IL6R: variants seen among roughly 807,000 people sequenced by gnomAD.
IL6R encodes interleukin 6 receptor, also known as interleukin-6 receptor subunit alpha.
A neutral mutation model predicts 48.3 loss-of-function variants in IL6R; 38 were observed. That is an observed-to-expected ratio of 0.79 (90% CI 0.61 to 1.03). The LOEUF (loss-of-function observed/expected upper bound fraction) is 1.03, where lower values mean the gene tolerates loss of function less well. Ranked by LOEUF, IL6R falls within the 50% of genes least tolerant of loss-of-function variation. The probability of loss-of-function intolerance (pLI) is 0.00; values close to 1 mark genes in which losing one functional copy is unlikely to be tolerated. For synonymous variants in IL6R, 264 were observed against 256.2 expected, an observed-to-expected ratio of 1.03 and a Z score of -0.29; for missense variants, 534 against 618.3, an observed-to-expected ratio of 0.86 and a Z score of 1.45.
intron 1 of IL6R, among the ~76,000 whole-genome samples, chr1:154,420,410 G>T (rs1441369530): frequency 6.6e-6 from 1 of 151,940 alleles, no homozygotes; most frequent in Non-Finnish European, 1.5e-5. Flanking sequence ...CTGCCTGTGA[G>T]TCATCACAAG....
intron 1 of IL6R, among the ~76,000 whole-genome samples, chr1:154,411,849 C>G (rs1182425752): frequency 6.6e-6 from 1 of 151,244 alleles, no homozygotes; most frequent in Non-Finnish European, 1.5e-5. Context: ...ACCTGGGTGA[C>G]AAAGCAAGAC....
chr1:154,430,664 A>G, intron 3 of IL6R, 58 bp downstream of exon 3: 1 of 1,607,372 alleles, frequency 6.2e-7, no homozygotes, highest in Non-Finnish European at 8.5e-7. Context: ...GAGGCCCCCC[A>G]GAGAGGGGCT....
intron 6 of IL6R, among the ~76,000 whole-genome samples, chr1:154,444,752 A>T (rs1313691956): frequency 1.3e-5 from 2 of 151,992 alleles, no homozygotes; most frequent in Admixed American, 6.6e-5. Flanking sequence ...GTTAAAAAAA[A>T]ATTAGTTGGG....
Position 154,427,438 on chromosome 1 carries a change from G to A in IL6R, c.86-1758G>A, listed in dbSNP as rs573487035. Among the ~76,000 whole-genome samples the A allele has an allele frequency of 1.3e-4, 20 of 152,278 alleles. 1 individual carries two copies. Among genetic ancestry groups the A allele is most frequent in the South Asian group, 4.1e-4 (2 of 4,826 alleles). ...GTGTCTCAGGAACCTGCCCAAACTC[G>A]CCTGGCTGCACGGTGACAATTCAAC... is the stretch of plus-strand genomic sequence containing the variant. On this transcript the variant is annotated intron_variant, in intron 1 of 9. Transcript: ENST00000368485.
At chr1:154,456,229 G>A (rs1223340189) in intron 9 of IL6R, among the ~76,000 whole-genome samples, 1 of 149,250 alleles carries the variant, frequency 6.7e-6, no homozygotes, top group Non-Finnish European at 1.5e-5. Context: ...TTTTGAGATG[G>A]AGTTTCGCTT....
Position 154,454,480 on chromosome 1 carries a change from T to A in IL6R, c.1067-8T>A, listed in dbSNP as rs2149268888. ...CCTCCTCTATCTTCAATTTTTTTTT[T>A]AACCTAGTGCAAGATTCTTCTTCAG... On this transcript the variant is annotated splice_region_variant and splice_polypyrimidine_tract_variant and intron_variant, in intron 8 of 9. Transcript: ENST00000368485. 1.3e-6 allele frequency: 2 copies of A among 1,592,192 alleles called. No homozygotes were observed. Among genetic ancestry groups the A allele is most frequent in the Non-Finnish European group, 1.7e-6 (2 of 1,160,932 alleles).
At chr1:154,414,942 G>T in intron 1 of IL6R, 2 of 1,195,098 alleles carry the variant, frequency 1.7e-6, no homozygotes, top group Non-Finnish European at 2.4e-6. Flanking sequence ...GGATGTCCTC[G>T]CATAGGATGC....
chr1:154,447,978 G>A (rs958014260), intron 6 of IL6R, 147 bp from the exon 7 acceptor site: 1 of 648,858 alleles, frequency 1.5e-6, no homozygotes, highest in African/African-American at 1.8e-5. Flanking sequence ...CAAAGTGCTG[G>A]GATGACAGAC....
rs774739787 is a variant in IL6R at position 154,454,493 on chromosome 1, G to T, written c.1072G>T (p.Asp358Tyr). ...SANATSLPVQ[D>Y]SSSVPLPTFL... ...CAATTTTTTTTTTAACCTAGTGCAA[G>T]ATTCTTCTTCAGTACCACTGCCCAC... The change falls in exon 9 of 10, where the codon GAT becomes TAT. Residue 358 changes from aspartate (D) to tyrosine (Y), a missense_variant. By Grantham distance (160) the Asp-to-Tyr change is radical. Coordinates refer to ENST00000368485, the MANE Select transcript of IL6R (RefSeq NM_000565.4). 13 of 1,608,936 alleles carry T rather than the reference G, an allele frequency of 8.1e-6. No homozygotes were observed. Among genetic ancestry groups the T allele is most frequent in the Non-Finnish European group, 1.0e-5 (12 of 1,175,882 alleles).
chr1:154,429,687 T>TAGCCTGGGGCCCGGAGTCAGGC (rs1264975830), intron 2 of IL6R, among the ~76,000 whole-genome samples: 85 of 152,256 alleles, frequency 5.6e-4, no homozygotes, highest in Non-Finnish European at 1.1e-3. Flanking sequence ...AACTGGTGAA[T>TAGCCTGGGGCCCGGAGTCAGGC]AGCCTGGGGC....
chr1:154,413,458 T>A (rs1449304064), intron 1 of IL6R, among the ~76,000 whole-genome samples: 4 of 152,262 alleles, frequency 2.6e-5, no homozygotes, highest in Non-Finnish European at 5.9e-5. Context: ...GCCATGAGAT[T>A]TGTCATCGTG....
At chr1:154,433,575 G>T (rs945121046) in intron 3 of IL6R, among the ~76,000 whole-genome samples, 1 of 152,092 alleles carries the variant, frequency 6.6e-6, no homozygotes, top group Non-Finnish European at 1.5e-5. Context: ...CAGGCCCAGC[G>T]GGAGACCAGA....
In IL6R at chr1:154,447,442, A is replaced by ATATATAT. The variant is rs375992381; in HGVS notation, c.950-683_950-682insTATATAT. Among the ~76,000 whole-genome samples the ATATATAT allele has an allele frequency of 5.2e-3, 314 of 60,112 alleles. 34 individuals carry two copies. Among genetic ancestry groups the ATATATAT allele is most frequent in the Admixed American group, 8.4e-3 (35 of 4,176 alleles). 39.4% of individuals were successfully genotyped at this position (60,112 alleles called of 152,430 possible). A position where few individuals can be genotyped will look rare whatever the true frequency, so the allele number is the denominator to read the frequency against. ...CAAAAGAGTGAAACTCCATCTCAAA[A>ATATATAT]AAAAAAAAAAAAATATATATATATA... On this transcript the variant is annotated intron_variant, in intron 6 of 9. Transcript: ENST00000368485.
intron 6 of IL6R, among the ~76,000 whole-genome samples, chr1:154,447,442 A>ATATAT (rs375992381): frequency 0.017 from 1,033 of 59,964 alleles, 93 homozygotes; most frequent in Non-Finnish European, 0.022. Context: ...CCATCTCAAA[A>ATATAT]AAAAAAAAAA....
intron 3 of IL6R, among the ~76,000 whole-genome samples, chr1:154,433,489 C>A (rs775878509): frequency 6.6e-6 from 1 of 152,144 alleles, no homozygotes; most frequent in Non-Finnish European, 1.5e-5. Flanking sequence ...GAGGACAGAT[C>A]TTTTTTGTTA....
intron 6 of IL6R, among the ~76,000 whole-genome samples, chr1:154,439,423 T>C (rs775024774): frequency 9.2e-5 from 14 of 152,272 alleles, no homozygotes; most frequent in Admixed American, 5.2e-4. Context: ...CAAGCAATTC[T>C]CCTATCTCAG....
chr1:154,448,014 T>C, intron 6 of IL6R, 111 bp from the exon 7 acceptor site: 1 of 869,568 alleles, frequency 1.2e-6, no homozygotes, highest in South Asian at 1.4e-5. Flanking sequence ...CAGCCCATGC[T>C]GTTCTTTTAA....
chr1:154,462,775 A>T (rs1175568314), intron 9 of IL6R, among the ~76,000 whole-genome samples: 1 of 152,082 alleles, frequency 6.6e-6, no homozygotes, highest in African/African-American at 2.4e-5. Context: ...ATTACCAATT[A>T]TTTGGGTGTT....
chr1:154,447,266 C>T (rs1441082954), intron 6 of IL6R, among the ~76,000 whole-genome samples: 1 of 151,358 alleles, frequency 6.6e-6, no homozygotes, highest in Non-Finnish European at 1.5e-5. Flanking sequence ...TGGTGAAACC[C>T]TGTCTCTACT....
Sources: gnomAD v4.1 joint callset for allele counts (sites outside exome capture counted in the v4.1 genomes callset) on GRCh38, gnomAD v4.1.1 for gene constraint, MANE v1.5 for transcripts, NCBI Gene and HGNC (gene_info 2026-07-23, HGNC 2026-07-21) for gene names.